The following DLEC1 variants were observed in gnomAD, a reference collection of about 807,000 sequenced individuals.
DLEC1 encodes deleted in lung and esophageal cancer protein 1.
A neutral mutation model predicts 198.1 loss-of-function variants in DLEC1; 146 were observed. The ratio of observed to expected loss-of-function variants is 0.74; its 90% CI spans 0.64 to 0.85. The LOEUF is 0.85. DLEC1 is among the 40% of genes least tolerant of loss of function. The probability of loss-of-function intolerance (pLI) is 0.00; values close to 1 mark genes in which losing one functional copy is unlikely to be tolerated. For missense variants in DLEC1, 2,233 were observed against 2,220.0 expected (o/e 1.01, Z -0.12); for synonymous variants, 897 against 866.8 (o/e 1.03, Z -0.61).
chr3:38,060,523 C>T (rs1696622930), intron 3 of DLEC1, among the ~76,000 whole-genome samples: 1 of 151,810 alleles, frequency 6.6e-6, no homozygotes, highest in Non-Finnish European at 1.5e-5. Flanking sequence ...AGTTGAGGGA[C>T]TGTTTGATTC....
chr3:38,045,625 C>T lies in DLEC1; in HGVS notation c.494C>T (p.Ala165Val), dbSNP rs746671970. 11 of 1,614,038 alleles carry T rather than the reference C, an allele frequency of 6.8e-6. No individual in the cohort carries two copies. Among genetic ancestry groups the T allele is most frequent in the Middle Eastern group, 1.7e-4 (1 of 6,060 alleles). Residue 165 changes from alanine to valine, a missense_variant, in exon 2 of 37, where the codon GCG becomes GTG. By Grantham distance (64) the Ala-to-Val change is moderately conservative. Coordinates refer to ENST00000308059, the MANE Select transcript of DLEC1 (RefSeq NM_007335.4). Reference protein sequence around the residue: ...HITQAQARAIAENERVMSQAG... With the variant: ...HITQAQARAIVENERVMSQAG... ...ACTCAGGCCCAAGCACGGGCTATTG[C>T]GGAAAATGAGCGGGTCATGAGCCAG...
intron 19 of DLEC1, among the ~76,000 whole-genome samples, chr3:38,102,614 TGTAA>T (rs1320428520): frequency 1.3e-5 from 2 of 152,160 alleles, no homozygotes; most frequent in African/African-American, 4.8e-5. Flanking sequence ...GAGCTGGTGT[TGTAA>T]GTTTCTTCTG....
intron 33 of DLEC1, among the ~76,000 whole-genome samples, chr3:38,118,311 C>A (rs1003287932): frequency 2.6e-5 from 4 of 152,178 alleles, no homozygotes; most frequent in African/African-American, 9.7e-5. Context: ...CTCTTAGTCC[C>A]CACTGCTGAG....
chr3:38,090,045 A>G (rs1159251645), intron 10 of DLEC1, among the ~76,000 whole-genome samples: 2 of 151,968 alleles, frequency 1.3e-5, no homozygotes, highest in Admixed American at 6.6e-5. Flanking sequence ...AATAAATTCA[A>G]AAGAGCCAGG....
At chr3:38,042,508 G>C (rs894381585) in intron 1 of DLEC1, among the ~76,000 whole-genome samples, 5 of 148,820 alleles carry the variant, frequency 3.4e-5, no homozygotes, top group African/African-American at 9.9e-5. Flanking sequence ...AAGAAACTTT[G>C]AAAAGAGCAG....
Position 38,042,552 on chromosome 3 carries a change from C to CTTTTTTTTTTTTTTTT in DLEC1, c.411+2922_411+2937dup, listed in dbSNP as rs71635860. ...TATTCCACTTCTGTAATGTTGCTGG[C>CTTTTTTTTTTTTTTTT]TTTTTTTTTTTTTTTTTTTTTGAGA... On this transcript the variant is annotated intron_variant, in intron 1 of 36. Coordinates refer to ENST00000308059, the MANE Select transcript of DLEC1 (RefSeq NM_007335.4). Among the ~76,000 whole-genome samples the CTTTTTTTTTTTTTTTT allele has an allele frequency of 2.9e-5, 3 of 104,762 alleles. 1 individual carries two copies. Among genetic ancestry groups the CTTTTTTTTTTTTTTTT allele is most frequent in the Non-Finnish European group, 1.8e-5 (1 of 54,072 alleles). The allele number at this position is 104,762 out of a possible 152,430, so 68.7% of individuals were successfully genotyped here. A position where few individuals can be genotyped will look rare whatever the true frequency, so the allele number is the denominator to read the frequency against.
intron 8 of DLEC1, 129 bp downstream of exon 8, chr3:38,085,576 T>C: frequency 9.0e-7 from 1 of 1,111,048 alleles, no homozygotes; most frequent in Non-Finnish European, 1.3e-6. Context: ...CCGTGGGTCC[T>C]GCAGAGGAAA....
intron 25 of DLEC1, among the ~76,000 whole-genome samples, chr3:38,114,099 C>A (rs1374086592): frequency 7.0e-6 from 1 of 142,692 alleles, no homozygotes; most frequent in African/African-American, 2.6e-5. Context: ...ATAGTAAGAC[C>A]CTGTGTCTAC....
intron 11 of DLEC1, 144 bp downstream of exon 11, chr3:38,093,024 G>T (rs1698822990): frequency 1.3e-6 from 1 of 789,988 alleles, no homozygotes; most frequent in Non-Finnish European, 2.1e-6. Context: ...GCCTCCAGGT[G>T]CCAGAGTCTC....
chr3:38,101,789 C>T (rs1324215942), intron 19 of DLEC1, among the ~76,000 whole-genome samples: 4 of 152,130 alleles, frequency 2.6e-5, no homozygotes, highest in Non-Finnish European at 5.9e-5. Context: ...AGGTATGAGT[C>T]TTTGCATTGG....
At position 38,122,625 on chromosome 3, in the gene DLEC1, C is replaced by T. The variant is rs913566754; in HGVS notation, c.*213C>T. The T allele has an allele frequency of 1.4e-5, 22 of 1,522,876 alleles. No homozygotes were observed. Among genetic ancestry groups the T allele is most frequent in the Non-Finnish European group, 1.8e-5 (21 of 1,140,330 alleles). 94.3% of individuals were successfully genotyped at this position (1,522,876 alleles called of 1,614,324 possible). Reference sequence around the variant, plus strand: ...ACATAAAGGACAGGCCACACCACAGCAGAGACCACCACATTGAGATCACTA... The same window carrying T: ...ACATAAAGGACAGGCCACACCACAGTAGAGACCACCACATTGAGATCACTA... On this transcript the variant is annotated 3_prime_UTR_variant, in exon 37 of 37. Transcript: ENST00000308059.
chr3:38,075,158 G>A (rs1039498027), intron 6 of DLEC1, among the ~76,000 whole-genome samples: 8 of 152,092 alleles, frequency 5.3e-5, no homozygotes, highest in South Asian at 2.1e-4. Context: ...ATTCAACGAC[G>A]CTTGGGGTTG....
At chr3:38,076,469 C>A (rs906523978) in intron 6 of DLEC1, among the ~76,000 whole-genome samples, 1 of 151,822 alleles carries the variant, frequency 6.6e-6, no homozygotes, top group Non-Finnish European at 1.5e-5. Flanking sequence ...GGGGTTTGTT[C>A]TCTGGCAGGC....
chr3:38,073,450 G>A (rs1247315518), intron 6 of DLEC1, among the ~76,000 whole-genome samples: 5 of 152,166 alleles, frequency 3.3e-5, no homozygotes, highest in Non-Finnish European at 7.3e-5. Context: ...GTTTTAATGG[G>A]ATGGTAATAG....
intron 6 of DLEC1, 85 bp downstream of exon 6, chr3:38,064,004 TTTC>T: frequency 1.4e-5 from 13 of 914,240 alleles, no homozygotes; most frequent in East Asian, 6.0e-5. Flanking sequence ...TTCTTTTTTT[TTTC>T]TTTTTTTTTT....
chr3:38,090,985 A>G (rs563929124), intron 10 of DLEC1, among the ~76,000 whole-genome samples: 2 of 152,316 alleles, frequency 1.3e-5, no homozygotes, highest in East Asian at 3.8e-4. Context: ...TCAAGACAAA[A>G]TATCATTGCA....
chr3:38,056,169 G>A (rs1439920971), intron 2 of DLEC1, among the ~76,000 whole-genome samples: 2 of 151,818 alleles, frequency 1.3e-5, no homozygotes, highest in Non-Finnish European at 2.9e-5. Context: ...AGGCTGAGAT[G>A]GGAGGATCAC....
At position 38,074,257 on chromosome 3, in the gene DLEC1, G is replaced by A. The variant is rs557006799; in HGVS notation, c.1174-9901G>A. Among the ~76,000 whole-genome samples, 141 of 152,336 alleles carry A rather than the reference G, an allele frequency of 9.3e-4. 5 individuals are homozygous for A. The South Asian group carries it at 0.026, about 28-fold the overall frequency. The stretch of plus-strand genomic sequence containing the variant: ...GCAAGTAATTGTAACTCAGAAATGC[G>A]TTGCCATCTGGCTGCTTCCTCTCTA... On this transcript the variant is annotated intron_variant, in intron 6 of 36. Transcript: ENST00000308059.
intron 2 of DLEC1, among the ~76,000 whole-genome samples, chr3:38,049,954 G>C (rs1050006180): frequency 4.6e-5 from 7 of 152,194 alleles, no homozygotes; most frequent in African/African-American, 1.4e-4. Flanking sequence ...GTGCTTCCAG[G>C]ATAGGTCAGC....
Sources: gnomAD v4.1 joint callset for allele counts (sites outside exome capture counted in the v4.1 genomes callset) on GRCh38, gnomAD v4.1.1 for gene constraint, MANE v1.5 for transcripts, NCBI Gene and HGNC (gene_info 2026-07-23, HGNC 2026-07-21) for gene names.